HRH1: variants seen among roughly 807,000 people sequenced by gnomAD.
HRH1 encodes histamine receptor H1.
In HRH1, 6 loss-of-function variants were observed where a neutral mutation model predicts 10.3. That is an observed-to-expected ratio of 0.58 (90% CI 0.32 to 1.15). The LOEUF (loss-of-function observed/expected upper bound fraction) is 1.15, where lower values mean the gene tolerates loss of function less well. HRH1 is among the 50% of genes most tolerant of loss of function. HRH1 has a pLI of 0.05. For missense variants in HRH1, 514 were observed against 615.3 expected (o/e 0.84, Z 1.74); for synonymous variants, 242 against 236.7 (o/e 1.02, Z -0.21).
intron 1 of HRH1, among the ~76,000 whole-genome samples, chr3:11,176,162 C>G (rs1382433660): frequency 3.1e-5 from 4 of 130,918 alleles, no homozygotes; most frequent in African/African-American, 7.5e-5. Context: ...GAGTGAGAAC[C>G]TGTCTCAAAA....
At chr3:11,163,730 T>C (rs567787740) in intron 1 of HRH1, among the ~76,000 whole-genome samples, 2 of 152,320 alleles carry the variant, frequency 1.3e-5, no homozygotes, top group South Asian at 2.1e-4. Context: ...CATATAATCA[T>C]AGGTCACATC....
At chr3:11,158,969 C>T (rs1451223691) in intron 1 of HRH1, among the ~76,000 whole-genome samples, 2 of 152,266 alleles carry the variant, frequency 1.3e-5, no homozygotes, top group East Asian at 1.9e-4. Flanking sequence ...GAAGAATGGC[C>T]GGGCACAGTG....
rs116519331 is a variant in HRH1, at chr3:11,235,882, G to A, written c.-35-23121G>A. 9.4e-3 allele frequency among the ~76,000 whole-genome samples: 1,427 copies of A among 152,294 alleles called. 28 individuals are homozygous for A. Among genetic ancestry groups the A allele is most frequent in the African/African-American group, 0.033 (1,351 of 41,552 alleles). On this transcript the variant is annotated intron_variant, in intron 1 of 1. Coordinates refer to ENST00000431010, the MANE Select transcript of HRH1 (RefSeq NM_001098212.2). ...CCAGTCCTTTGGCTGGACACAGCAG[G>A]CTTTTGTTTTGCCTGTGCCGATTGC... is the stretch of plus-strand genomic sequence containing the variant.
chr3:11,181,668 G>A (rs528516441), intron 1 of HRH1, among the ~76,000 whole-genome samples: 12 of 125,442 alleles, frequency 9.6e-5, no homozygotes, highest in South Asian at 9.3e-4. Context: ...GTCTCGCTCC[G>A]TCGCCCAGGC....
intron 1 of HRH1, among the ~76,000 whole-genome samples, chr3:11,166,692 C>A (rs185369159): frequency 6.7e-6 from 1 of 148,178 alleles, no homozygotes; most frequent in Non-Finnish European, 1.5e-5. Flanking sequence ...CCCGTGACAT[C>A]TGCTGTCCCC....
chr3:11,174,402 A>G (rs1276580092), intron 1 of HRH1, among the ~76,000 whole-genome samples: 1 of 152,182 alleles, frequency 6.6e-6, no homozygotes, highest in Non-Finnish European at 1.5e-5. Flanking sequence ...CAGAGCCTTG[A>G]GGGAAGAATC....
At position 11,241,831 on chromosome 3, in the gene HRH1, G is replaced by A. The variant is rs572327394; in HGVS notation, c.-35-17172G>A. ...AGCCTGGGGGACAGAGCGAGACTCC[G>A]TTTCAAAAAAAAAAAAAAATGCACC... is the stretch of plus-strand genomic sequence containing the variant. On this transcript the variant is annotated intron_variant, in intron 1 of 1. Coordinates refer to ENST00000431010, the MANE Select transcript of HRH1 (RefSeq NM_001098212.2). 1.8e-3 allele frequency among the ~76,000 whole-genome samples: 253 copies of A among 141,448 alleles called. 1 individual carries two copies. The highest frequency in any genetic ancestry group is 6.4e-3 in the African/African-American group (240 of 37,390). 92.8% of individuals were successfully genotyped at this position (141,448 alleles called of 152,430 possible).
At chr3:11,223,912 G>A (rs1419691238) in intron 1 of HRH1, among the ~76,000 whole-genome samples, 1 of 152,112 alleles carries the variant, frequency 6.6e-6, no homozygotes, top group Non-Finnish European at 1.5e-5. Context: ...TCCTTGCCCT[G>A]AAGACTGGGC....
At chr3:11,168,126 C>T (rs918172255) in intron 1 of HRH1, among the ~76,000 whole-genome samples, 1 of 152,012 alleles carries the variant, frequency 6.6e-6, no homozygotes, top group Non-Finnish European at 1.5e-5. Flanking sequence ...CATGCATGCC[C>T]GTATCTCAGT....
chr3:11,237,041 C>G (rs1016933311), intron 1 of HRH1, among the ~76,000 whole-genome samples: 3 of 152,158 alleles, frequency 2.0e-5, no homozygotes, highest in African/African-American at 7.2e-5. Context: ...GTGTATTTCT[C>G]AGAGTTTAAT....
rs376704071 is a variant in HRH1, at chr3:11,174,383, G to A, written c.-36+19829G>A. Among the ~76,000 whole-genome samples, 10 of 152,266 alleles carry A rather than the reference G, an allele frequency of 6.6e-5. No homozygotes were observed. The East Asian group carries it at 1.5e-3, about 23-fold the overall frequency. ...TGAAGGTGGGAGAGGCCATCTCAGC[G>A]CTGACTCCCAGAGCCTTGAGGGAAG... On this transcript the variant is annotated intron_variant, in intron 1 of 1. Coordinates refer to ENST00000431010, the MANE Select transcript of HRH1 (RefSeq NM_001098212.2).
In HRH1 at chr3:11,221,397, C is replaced by CA. The variant is rs966822700; in HGVS notation, c.-35-37598dup. On this transcript the variant is annotated intron_variant, in intron 1 of 1. Transcript: ENST00000431010. ...GTGAAACCCTGTCTCTACTAAAATA[C>CA]AAAAAAAATTAGCCGGCCATGGCAG... is the stretch of plus-strand genomic sequence containing the variant. Among the ~76,000 whole-genome samples the CA allele has an allele frequency of 5.0e-3, 759 of 151,222 alleles. 7 individuals are homozygous for CA. The highest frequency in any genetic ancestry group is 0.017 in the African/African-American group (713 of 41,196).
intron 1 of HRH1, among the ~76,000 whole-genome samples, chr3:11,206,887 C>T (rs930097079): frequency 2.0e-5 from 3 of 151,996 alleles, no homozygotes; most frequent in African/African-American, 7.3e-5. Context: ...AAGTCAATGA[C>T]GGAATAGGGT....
chr3:11,197,460 C>T (rs1054895785), intron 1 of HRH1, among the ~76,000 whole-genome samples: 4 of 152,216 alleles, frequency 2.6e-5, no homozygotes, highest in South Asian at 4.1e-4. Context: ...AGGGGCCATA[C>T]GGAGCCTTTT....
intron 1 of HRH1, among the ~76,000 whole-genome samples, chr3:11,172,606 CT>C (rs1026620653): frequency 1.3e-5 from 2 of 152,104 alleles, no homozygotes; most frequent in Non-Finnish European, 2.9e-5. Flanking sequence ...ACACCAGCCC[CT>C]GGGACCTGCT....
chr3:11,221,100 C>A (rs1203470559), intron 1 of HRH1, among the ~76,000 whole-genome samples: 1 of 152,148 alleles, frequency 6.6e-6, no homozygotes, highest in Non-Finnish European at 1.5e-5. Flanking sequence ...TGCTGTCTAC[C>A]ACAAGACACC....
chr3:11,171,972 G>T, intron 1 of HRH1, among the ~76,000 whole-genome samples: 1 of 152,188 alleles, frequency 6.6e-6, no homozygotes. Context: ...GGTGCTACTT[G>T]GTTTCTTCCA....
In HRH1 at chr3:11,260,869, C is replaced by T. The variant is rs199509386; in HGVS notation, c.*368C>T. On this transcript the variant is annotated 3_prime_UTR_variant, in exon 2 of 2. Coordinates refer to ENST00000431010, the MANE Select transcript of HRH1 (RefSeq NM_001098212.2). ...CAGACTCATTGTAATTCAAGCTTTC[C>T]GAGTCAAGTGATTGACAACTGAAGA... 4.4e-5 allele frequency: 9 copies of T among 205,126 alleles called. No homozygotes were observed. Among genetic ancestry groups the T allele is most frequent in the Non-Finnish European group, 9.8e-5 (9 of 91,736 alleles). 12.7% of individuals were successfully genotyped at this position (205,126 alleles called of 1,614,324 possible).
At chr3:11,161,483 A>G (rs886132066) in intron 1 of HRH1, among the ~76,000 whole-genome samples, 6 of 152,118 alleles carry the variant, frequency 3.9e-5, no homozygotes, top group Non-Finnish European at 8.8e-5. Flanking sequence ...TGGTCTGGAG[A>G]GTCTGTGGAC....
Sources: allele counts gnomAD v4.1 joint callset (sites outside exome capture counted in the v4.1 genomes callset), GRCh38; gene constraint gnomAD v4.1.1; transcripts MANE v1.5; gene names NCBI Gene and HGNC (gene_info 2026-07-23, HGNC 2026-07-21).